PSD3: variants seen among roughly 807,000 people sequenced by gnomAD.
PSD3 encodes PH and SEC7 domain-containing protein 3.
A neutral mutation model predicts 105.5 loss-of-function variants in PSD3; 49 were observed. The observed-to-expected ratio is 0.46, with a 90% CI of 0.37 to 0.59. PSD3 has a LOEUF of 0.59. Among genes scored for constraint, PSD3 ranks in the 20% least tolerant of loss-of-function variants. The pLI is 0.00. For synonymous variants in PSD3, 557 were observed against 457.8 expected, an observed-to-expected ratio of 1.22 and a Z score of -2.77; for missense variants, 1,561 against 1,263.8, an observed-to-expected ratio of 1.24 and a Z score of -3.57.
In PSD3 at chr8:18,898,089, G is replaced by A. The variant is rs576707509; in HGVS notation, c.131-25356C>T. On this transcript the variant is annotated intron_variant, in intron 2 of 15. Transcript: ENST00000327040. ...TCTCATATACGGCTTTGACTGTGTC[G>A]AGGTATGTTCCTTCTTACCTAACTT... Among the ~76,000 whole-genome samples, 55 of 152,202 alleles carry A rather than the reference G, an allele frequency of 3.6e-4. 1 individual carries two copies. The South Asian group carries it at 9.7e-3, about 27-fold the overall frequency.
intron 4 of PSD3, among the ~76,000 whole-genome samples, chr8:18,846,284 C>T (rs973307803): frequency 1.3e-5 from 2 of 152,190 alleles, no homozygotes; most frequent in African/African-American, 4.8e-5. Flanking sequence ...CTAAACCTCA[C>T]TCCAAGGCTC....
intron 9 of PSD3, among the ~76,000 whole-genome samples, chr8:18,656,982 T>C (rs1015380052): frequency 1.3e-5 from 2 of 152,216 alleles, no homozygotes; most frequent in Non-Finnish European, 2.9e-5. Context: ...AAAAGAACGG[T>C]ATGCATAACA....
intron 9 of PSD3, among the ~76,000 whole-genome samples, chr8:18,660,997 A>C (rs1809305769): frequency 6.6e-6 from 1 of 152,180 alleles, no homozygotes; most frequent in Non-Finnish European, 1.5e-5. Context: ...GAGACGATAA[A>C]ATGCAATTTT....
Position 19,013,461 on chromosome 8 carries a change from G to C in PSD3, c.21+102C>G. 2.0e-6 allele frequency: 3 copies of C among 1,512,830 alleles called. No homozygotes were observed. In the South Asian group the frequency reaches 3.4e-5, roughly 17 times the overall value. 93.7% of individuals were successfully genotyped at this position (1,512,830 alleles called of 1,614,324 possible). On this transcript the variant is annotated intron_variant, in intron 1 of 15. Coordinates refer to ENST00000327040, the MANE Select transcript of PSD3 (RefSeq NM_015310.4). ...AGACAGCACAAACCCAGGTGGCCCCGGGATCCTGGGGGACAGAGCGGCGAC... is the reference window on the plus strand; with the variant it reads ...AGACAGCACAAACCCAGGTGGCCCCCGGATCCTGGGGGACAGAGCGGCGAC...
chr8:18,841,415 T>A lies in PSD3; in HGVS notation c.1634+26259A>T, dbSNP rs77340239. 1.9e-4 allele frequency among the ~76,000 whole-genome samples: 29 copies of A among 152,230 alleles called. 1 individual carries two copies. In the East Asian group the frequency reaches 5.6e-3, roughly 29 times the overall value. On this transcript the variant is annotated intron_variant, in intron 4 of 15. Coordinates refer to ENST00000327040, the MANE Select transcript of PSD3 (RefSeq NM_015310.4). ...AGCAGCTCTACTTTCAAACAGCTGA[T>A]AAAACTTAAAGTTCTTAGTAAATCT... is the stretch of plus-strand genomic sequence containing the variant.
intron 9 of PSD3, among the ~76,000 whole-genome samples, chr8:18,738,934 A>G (rs13257485): frequency 0.79 from 120,608 of 152,046 alleles, 49,032 homozygotes; most frequent in Non-Finnish European, 0.89. Context: ...CTTTTAATAT[A>G]TTTTAAAGAC....
At chr8:18,949,262 T>A (rs1299175032) in intron 1 of PSD3, among the ~76,000 whole-genome samples, 8 of 106,430 alleles carry the variant, frequency 7.5e-5, no homozygotes, top group East Asian at 2.7e-4. Context: ...TATATATATA[T>A]ATATATATAT....
At chr8:18,707,546 T>C (rs933727968) in intron 9 of PSD3, among the ~76,000 whole-genome samples, 5 of 152,138 alleles carry the variant, frequency 3.3e-5, no homozygotes, top group Non-Finnish European at 7.3e-5. Flanking sequence ...ATCAATGATC[T>C]TATAAAAACA....
At chr8:18,648,489 A>G (rs1318387917) in intron 10 of PSD3, among the ~76,000 whole-genome samples, 4 of 152,004 alleles carry the variant, frequency 2.6e-5, no homozygotes, top group Admixed American at 6.6e-5. Flanking sequence ...GCAAAGCATT[A>G]AAGAAGTAAC....
At chr8:18,814,819 T>A (rs996056993) in intron 4 of PSD3, among the ~76,000 whole-genome samples, 1 of 152,206 alleles carries the variant, frequency 6.6e-6, no homozygotes, top group Non-Finnish European at 1.5e-5. Context: ...TAAGATGCCA[T>A]TGGACATTCT....
rs971941312 is a variant in PSD3 at position 18,806,098 on chromosome 8, T to C, written c.1635-1200A>G. ...ATTAAAAAGACATGATCTCAAGCGC[T>C]GAAATGAAATAAACTGTACTGGTTT... On this transcript the variant is annotated intron_variant, in intron 4 of 15. Coordinates refer to ENST00000327040, the MANE Select transcript of PSD3 (RefSeq NM_015310.4). 3.7e-4 allele frequency among the ~76,000 whole-genome samples: 57 copies of C among 152,266 alleles called. 1 individual carries two copies. Among genetic ancestry groups the C allele is most frequent in the East Asian group, 5.8e-4 (3 of 5,180 alleles).
intron 15 of PSD3, among the ~76,000 whole-genome samples, chr8:18,539,284 T>C (rs956557735): frequency 6.6e-6 from 1 of 152,232 alleles, no homozygotes; most frequent in Non-Finnish European, 1.5e-5. Context: ...CTCTGAATGA[T>C]GCTCTGGAGA....
chr8:18,905,455 C>G (rs1819780097), intron 2 of PSD3, among the ~76,000 whole-genome samples: 1 of 152,178 alleles, frequency 6.6e-6, no homozygotes, highest in Non-Finnish European at 1.5e-5. Flanking sequence ...ACCTGAGTAG[C>G]TGGGACTACA....
intron 9 of PSD3, among the ~76,000 whole-genome samples, chr8:18,761,631 A>G (rs1806544777): frequency 6.6e-6 from 1 of 152,196 alleles, no homozygotes; most frequent in Non-Finnish European, 1.5e-5. Context: ...AGCCTACAAT[A>G]CAGAGCTAGC....
At chr8:18,604,796 G>A (rs1387415717) in intron 11 of PSD3, among the ~76,000 whole-genome samples, 1 of 152,218 alleles carries the variant, frequency 6.6e-6, no homozygotes, top group Non-Finnish European at 1.5e-5. Context: ...GTTCAGCCAT[G>A]GCTCAAAGGG....
At chr8:18,942,785 T>C (rs1488223943) in intron 1 of PSD3, among the ~76,000 whole-genome samples, 1 of 152,214 alleles carries the variant, frequency 6.6e-6, no homozygotes, top group Non-Finnish European at 1.5e-5. Context: ...AAAATTAATT[T>C]CTGTTGTTTC....
At chr8:18,901,273 T>C (rs1315805652) in intron 2 of PSD3, among the ~76,000 whole-genome samples, 5 of 152,194 alleles carry the variant, frequency 3.3e-5, no homozygotes, top group Admixed American at 6.5e-5. Flanking sequence ...AATATTTGAA[T>C]ATAAGTGGAC....
At chr8:18,941,393 C>T (rs1254310065) in intron 1 of PSD3, among the ~76,000 whole-genome samples, 2 of 151,750 alleles carry the variant, frequency 1.3e-5, no homozygotes, top group Non-Finnish European at 2.9e-5. Flanking sequence ...TGATTCTTCA[C>T]ACTTCTGAAC....
chr8:18,617,880 C>A (rs1186155502), intron 11 of PSD3, among the ~76,000 whole-genome samples: 1 of 152,124 alleles, frequency 6.6e-6, no homozygotes, highest in Non-Finnish European at 1.5e-5. Flanking sequence ...TATTGTACCC[C>A]AAAATGCATT....
Sources: allele counts gnomAD v4.1 joint callset (sites outside exome capture counted in the v4.1 genomes callset), GRCh38; gene constraint gnomAD v4.1.1; transcripts MANE v1.5; gene names NCBI Gene and HGNC (gene_info 2026-07-23, HGNC 2026-07-21).